Variants in SORL1 observed in about 807,000 individuals in gnomAD.
The protein encoded by SORL1 is sortilin related receptor 1.
Under a neutral mutation model 273.7 loss-of-function variants are expected in SORL1, and 127 were observed. The observed-to-expected ratio is 0.46, with a 90% CI of 0.40 to 0.54. The LOEUF (loss-of-function observed/expected upper bound fraction) is 0.54, where lower values mean the gene tolerates loss of function less well. Among genes scored for constraint, SORL1 ranks in the 20% least tolerant of loss-of-function variants. The pLI, the probability that SORL1 is intolerant of heterozygous loss-of-function variation, is 0.00. For synonymous variants in SORL1, 1,031 were observed against 1,067.4 expected (o/e 0.97, Z 0.66); for missense variants, 2,494 against 2,846.1 (o/e 0.88, Z 2.81).
intron 40 of SORL1, chr11:121,614,151 G>A (rs1439859617): frequency 1.3e-5 from 2 of 152,094 alleles, no homozygotes; most frequent in South Asian, 4.1e-4. Flanking sequence ...CATTTCCTCT[G>A]ATCAGAAAGG....
intron 31 of SORL1, among the ~76,000 whole-genome samples, chr11:121,593,046 T>G (rs1327841439): frequency 6.6e-6 from 1 of 152,232 alleles, no homozygotes; most frequent in African/African-American, 2.4e-5. Context: ...ACTGGCTTAT[T>G]AACCTCATAT....
chr11:121,609,124 G>A (rs1205786289), intron 38 of SORL1: 1 of 152,200 alleles, frequency 6.6e-6, no homozygotes, highest in African/African-American at 2.4e-5. Context: ...TGACACTGGG[G>A]ACTTGCATTT....
intron 1 of SORL1, among the ~76,000 whole-genome samples, chr11:121,458,677 A>G (rs1860944652): frequency 6.6e-6 from 1 of 152,136 alleles, no homozygotes; most frequent in South Asian, 2.1e-4. Flanking sequence ...ATTTCGACCT[A>G]ATTTATTGGC....
chr11:121,501,296 G>T (rs1345583228), intron 6 of SORL1, among the ~76,000 whole-genome samples: 1 of 152,064 alleles, frequency 6.6e-6, no homozygotes, highest in African/African-American at 2.4e-5. Flanking sequence ...TATTCATAAG[G>T]TTATACAATG....
intron 23 of SORL1, among the ~76,000 whole-genome samples, chr11:121,572,636 C>G (rs888436781): frequency 4.6e-5 from 7 of 152,056 alleles, no homozygotes; most frequent in Admixed American, 3.9e-4. Context: ...GGAGCTGGAC[C>G]GCAGTGACTG....
intron 18 of SORL1, chr11:121,557,113 A>C: frequency 3.4e-6 from 2 of 590,284 alleles, no homozygotes; most frequent in Non-Finnish European, 6.1e-6. Flanking sequence ...AGACCACTTG[A>C]AAATTGTCCC....
At chr11:121,588,298 A>G (rs111792222) in intron 28 of SORL1, 147 bp downstream of exon 28, 10 of 783,880 alleles carry the variant, frequency 1.3e-5, no homozygotes, top group Non-Finnish European at 2.1e-5. Context: ...TTGCACCTCT[A>G]TTTAGCTTAC....
At chr11:121,504,300 T>C (rs779727818) in intron 6 of SORL1, among the ~76,000 whole-genome samples, 2 of 152,158 alleles carry the variant, frequency 1.3e-5, no homozygotes, top group African/African-American at 2.4e-5. Flanking sequence ...TAGTCCTAGC[T>C]ACTCGGGAGA....
At chr11:121,464,687 A>C (rs1055346879) in intron 1 of SORL1, among the ~76,000 whole-genome samples, 16 of 152,300 alleles carry the variant, frequency 1.1e-4, no homozygotes, top group African/African-American at 3.6e-4. Context: ...TGCCGAGGCG[A>C]GTCAAGGTGT....
In SORL1 at chr11:121,591,076, C is replaced by A; in HGVS notation, c.4289C>A (p.Thr1430Asn). 2 of 1,614,198 alleles carry A rather than the reference C, an allele frequency of 1.2e-6. No homozygotes were observed. Among genetic ancestry groups the A allele is most frequent in the South Asian group, 1.1e-5 (1 of 91,084 alleles). The change falls in exon 31 of 48, where the codon ACC (threonine) becomes AAC (asparagine). Residue 1430 changes from threonine (T) to asparagine (N), a missense_variant. Transcript: ENST00000260197. Reference protein sequence around the residue: ...LPNYYRCSSGTCVMDTWVCDG... With the variant: ...LPNYYRCSSGNCVMDTWVCDG... ...AATTACTACCGCTGCAGCAGTGGGA[C>A]CTGCGTGATGGACACCTGGGTGTGC...
In SORL1 at chr11:121,504,810, A is replaced by G. The variant is rs73593194; in HGVS notation, c.939+7761A>G. 9.0e-3 allele frequency among the ~76,000 whole-genome samples: 1,375 copies of G among 152,196 alleles called. 20 individuals carry two copies. Among genetic ancestry groups the G allele is most frequent in the African/African-American group, 0.032 (1,311 of 41,514 alleles). On this transcript the variant is annotated intron_variant, in intron 6 of 47. Coordinates refer to ENST00000260197, the MANE Select transcript of SORL1 (RefSeq NM_003105.6). ...AATGCATTCAGTCTTATTAAGTATG[A>G]TTTTTAACTGTGAGGTTTTTCTAGA... is the stretch of plus-strand genomic sequence containing the variant.
chr11:121,628,400 C>G (rs982792641), intron 47 of SORL1, among the ~76,000 whole-genome samples: 1 of 152,214 alleles, frequency 6.6e-6, no homozygotes, highest in African/African-American at 2.4e-5. Flanking sequence ...AGCGCTCAGT[C>G]TGGATCCCTT....
At chr11:121,494,312 T>G (rs867271708) in intron 5 of SORL1, among the ~76,000 whole-genome samples, 3 of 152,188 alleles carry the variant, frequency 2.0e-5, no homozygotes, top group Non-Finnish European at 4.4e-5. Flanking sequence ...GGTTTCCCCA[T>G]AATAAGTGAA....
At chr11:121,483,089 T>A (rs968557324) in intron 3 of SORL1, among the ~76,000 whole-genome samples, 3 of 152,206 alleles carry the variant, frequency 2.0e-5, no homozygotes, top group African/African-American at 7.2e-5. Flanking sequence ...GTTATTTGCT[T>A]ACTTAATAAT....
intron 22 of SORL1, among the ~76,000 whole-genome samples, chr11:121,569,880 A>G (rs556318301): frequency 7.8e-4 from 119 of 152,318 alleles, no homozygotes; most frequent in Non-Finnish European, 1.5e-5. Flanking sequence ...CTCAGGGGGC[A>G]TCACGGAACC....
Position 121,570,260 on chromosome 11 carries a change from G to A in SORL1, c.3327G>A (p.Glu1109=). The change falls in exon 23 of 48, where the codon GAG becomes GAA. Residue 1109 remains glutamate, a synonymous_variant. Transcript: ENST00000260197. ...FDNDCGDMSD[E]RNCPTTICDL... ...ACGACTGTGGAGACATGAGCGATGAGAGAAACTGCCGTGAGTCTTCTGGAT... is the reference window on the plus strand; with the variant it reads ...ACGACTGTGGAGACATGAGCGATGAAAGAAACTGCCGTGAGTCTTCTGGAT... 5 of 1,611,626 alleles carry A rather than the reference G, an allele frequency of 3.1e-6. No individual in the cohort carries two copies. Among genetic ancestry groups the A allele is most frequent in the Non-Finnish European group, 4.2e-6 (5 of 1,177,778 alleles).
intron 31 of SORL1, among the ~76,000 whole-genome samples, chr11:121,591,704 G>A (rs1010266310): frequency 6.6e-6 from 1 of 152,162 alleles, no homozygotes; most frequent in Non-Finnish European, 1.5e-5. Context: ...AACAGCAGGC[G>A]GAACAGAGGT....
At chr11:121,513,495 A>G (rs1343645326) in intron 7 of SORL1, among the ~76,000 whole-genome samples, 1 of 152,238 alleles carries the variant, frequency 6.6e-6, no homozygotes, top group Non-Finnish European at 1.5e-5. Context: ...CCCACCTTTT[A>G]GAAACAGGCT....
chr11:121,509,306 T>A (rs1000523690), intron 6 of SORL1, among the ~76,000 whole-genome samples: 1 of 152,120 alleles, frequency 6.6e-6, no homozygotes, highest in African/African-American at 2.4e-5. Context: ...CAACTTTCAG[T>A]GGGATAGCTC....
Sources: gnomAD v4.1 joint callset for allele counts (sites outside exome capture counted in the v4.1 genomes callset) on GRCh38, gnomAD v4.1.1 for gene constraint, MANE v1.5 for transcripts, NCBI Gene and HGNC (gene_info 2026-07-23, HGNC 2026-07-21) for gene names.